ADARB2: variants seen among roughly 807,000 people sequenced by gnomAD.
ADARB2 encodes the protein adenosine deaminase RNA specific B2 (inactive).
ADARB2 carries 25 observed loss-of-function variants against 62.2 expected under a neutral mutation model. That is an observed-to-expected ratio of 0.40 (90% CI 0.29 to 0.56). ADARB2 has a LOEUF of 0.56. Among genes scored for constraint, ADARB2 ranks in the 20% least tolerant of loss-of-function variants. The probability of loss-of-function intolerance (pLI) is 0.43; values close to 1 mark genes in which losing one functional copy is unlikely to be tolerated. For synonymous variants in ADARB2, 572 were observed against 500.8 expected, an observed-to-expected ratio of 1.14 and a Z score of -1.90; for missense variants, 1,071 against 1,077.4, an observed-to-expected ratio of 0.99 and a Z score of 0.08.
intron 1 of ADARB2, chr10:1,526,851 C>T (rs778336773): frequency 1.9e-6 from 1 of 515,516 alleles, no homozygotes; most frequent in Non-Finnish European, 4.0e-6. Context: ...TGAGCGGGCA[C>T]AGGCAGCCAC....
intron 1 of ADARB2, among the ~76,000 whole-genome samples, chr10:1,485,897 A>G (rs143643372): frequency 5.3e-5 from 8 of 152,328 alleles, no homozygotes; most frequent in Admixed American, 2.6e-4. Flanking sequence ...GTTACGTCCA[A>G]TGAGAAATAA....
At chr10:1,334,486 AAATAC>A (rs1435459206) in intron 3 of ADARB2, among the ~76,000 whole-genome samples, 2 of 152,252 alleles carry the variant, frequency 1.3e-5, no homozygotes, top group Non-Finnish European at 2.9e-5. Flanking sequence ...TGTATATAAT[AAATAC>A]ATTTATAGTG....
chr10:1,669,723 CACACAGACACACAGAGACAA>C (rs1270654768), intron 1 of ADARB2, among the ~76,000 whole-genome samples: 1 of 150,922 alleles, frequency 6.6e-6, no homozygotes, highest in Non-Finnish European at 1.5e-5. Context: ...CACCTAGACA[CACACAGACACACAGAGACAA>C]ACACAGACAC....
chr10:1,534,311 A>G (rs1384495917), intron 1 of ADARB2, among the ~76,000 whole-genome samples: 1 of 151,972 alleles, frequency 6.6e-6, no homozygotes, highest in Non-Finnish European at 1.5e-5. Context: ...TAATTTTTGT[A>G]TTTTTAATAG....
intron 3 of ADARB2, chr10:1,289,902 A>C (rs1297960377): frequency 1.3e-5 from 2 of 151,820 alleles, no homozygotes; most frequent in East Asian, 3.9e-4. Flanking sequence ...CCACGTGTGC[A>C]AGGAGATGCG....
chr10:1,432,610 G>A (rs1306920426), intron 1 of ADARB2, among the ~76,000 whole-genome samples: 1 of 151,020 alleles, frequency 6.6e-6, no homozygotes, highest in Non-Finnish European at 1.5e-5. Context: ...CTTTAATGGA[G>A]GTTGCAATTA....
At position 1,662,264 on chromosome 10, in the gene ADARB2, G is replaced by T. The variant is rs185785073; in HGVS notation, c.100+74787C>A. On this transcript the variant is annotated intron_variant, in intron 1 of 9. Coordinates refer to ENST00000381312, the MANE Select transcript of ADARB2 (RefSeq NM_018702.4). ...AGGGGAGCCCGGTCCACGGGTTTGA[G>T]GAGGAATTCATCCAGGCAGCCTCCA... is the stretch of plus-strand genomic sequence containing the variant. Among the ~76,000 whole-genome samples, 46 of 152,318 alleles carry T rather than the reference G, an allele frequency of 3.0e-4. No individual in the cohort carries two copies. In the East Asian group the frequency reaches 7.3e-3, roughly 24 times the overall value.
At chr10:1,264,854 T>G (rs1201086743) in intron 4 of ADARB2, among the ~76,000 whole-genome samples, 1 of 152,226 alleles carries the variant, frequency 6.6e-6, no homozygotes, top group Non-Finnish European at 1.5e-5. Flanking sequence ...CCAAGAAAAT[T>G]GTGGAGCGAT....
intron 1 of ADARB2, among the ~76,000 whole-genome samples, chr10:1,463,097 G>C (rs1473191463): frequency 6.6e-6 from 1 of 152,142 alleles, no homozygotes; most frequent in Non-Finnish European, 1.5e-5. Flanking sequence ...TAGTAACCAG[G>C]GTCATGGTGG....
At chr10:1,209,135 G>A (rs2131747574) in intron 7 of ADARB2, among the ~76,000 whole-genome samples, 1 of 152,210 alleles carries the variant, frequency 6.6e-6, no homozygotes, top group South Asian at 2.1e-4. Flanking sequence ...ACAGGATGGA[G>A]ACAAACGACT....
chr10:1,454,348 T>C (rs1831073053), intron 1 of ADARB2, among the ~76,000 whole-genome samples: 2 of 152,192 alleles, frequency 1.3e-5, no homozygotes, highest in African/African-American at 4.8e-5. Context: ...AACCATATCA[T>C]AGACCCAACG....
chr10:1,390,015 T>A (rs1207826454), intron 1 of ADARB2, among the ~76,000 whole-genome samples: 9 of 152,188 alleles, frequency 5.9e-5, no homozygotes, highest in Admixed American at 5.9e-4. Flanking sequence ...TTATTCAAAC[T>A]ATTCGTCACA....
rs1374436988 is a variant in ADARB2, at chr10:1,184,893, G to A, written c.2011C>T (p.Leu671=). Residue 671 remains leucine (L), a synonymous_variant, in exon 9 of 10, where the codon CTG becomes TTG. Transcript: ENST00000381312. ...GGPSRLCKHV[L]SARWARLYGR... is the part of the protein sequence containing the mutation. Reference sequence around the variant, plus strand: ...TACAGCCGCGCCCACCGTGCAGACAGCACGTGCTTGCAGAGCCGGGATGGG... The same window carrying A: ...TACAGCCGCGCCCACCGTGCAGACAACACGTGCTTGCAGAGCCGGGATGGG... 2 of 1,613,802 alleles carry A rather than the reference G, an allele frequency of 1.2e-6. No homozygotes were observed. Among genetic ancestry groups the A allele is most frequent in the East Asian group, 2.2e-5 (1 of 44,884 alleles).
chr10:1,450,485 C>A (rs1235474051), intron 1 of ADARB2, among the ~76,000 whole-genome samples: 1 of 152,204 alleles, frequency 6.6e-6, no homozygotes, highest in Non-Finnish European at 1.5e-5. Flanking sequence ...CCGGATGGTG[C>A]CTCCTGCACC....
intron 3 of ADARB2, among the ~76,000 whole-genome samples, chr10:1,295,656 T>A (rs1305188544): frequency 6.9e-6 from 1 of 144,812 alleles, no homozygotes; most frequent in Non-Finnish European, 1.5e-5. Flanking sequence ...CTGACTTATT[T>A]AGAGATCAGA....
intron 3 of ADARB2, among the ~76,000 whole-genome samples, chr10:1,282,962 G>A (rs76193187): frequency 0.03 from 4,570 of 152,122 alleles, 84 homozygotes; most frequent in Middle Eastern, 0.051. Flanking sequence ...CTTTCAATTC[G>A]GTGCCTACGT....
At chr10:1,339,834 A>G (rs1330461941) in intron 3 of ADARB2, among the ~76,000 whole-genome samples, 1 of 152,162 alleles carries the variant, frequency 6.6e-6, no homozygotes, top group Non-Finnish European at 1.5e-5. Context: ...ATTCCCAACA[A>G]TATGACACAG....
At chr10:1,573,379 C>G (rs1157635660) in intron 1 of ADARB2, among the ~76,000 whole-genome samples, 1 of 152,186 alleles carries the variant, frequency 6.6e-6, no homozygotes, top group African/African-American at 2.4e-5. Context: ...GGGCCTTCCC[C>G]CATTTCTCCT....
intron 1 of ADARB2, among the ~76,000 whole-genome samples, chr10:1,683,541 G>T (rs530161660): frequency 6.6e-6 from 1 of 152,280 alleles, no homozygotes; most frequent in Non-Finnish European, 1.5e-5. Flanking sequence ...GCAGGGAGTG[G>T]AGTCTGTTTG....
Sources: allele counts gnomAD v4.1 joint callset (sites outside exome capture counted in the v4.1 genomes callset), GRCh38; gene constraint gnomAD v4.1.1; transcripts MANE v1.5; gene names NCBI Gene and HGNC (gene_info 2026-07-23, HGNC 2026-07-21).